The following PRDM16 variants were observed in gnomAD, a reference collection of about 807,000 sequenced individuals.
The protein encoded by PRDM16 is histone-lysine N-methyltransferase PRDM16.
A neutral mutation model predicts 110.6 loss-of-function variants in PRDM16; 23 were observed. That is an observed-to-expected ratio of 0.21 (90% CI 0.15 to 0.29). The LOEUF (loss-of-function observed/expected upper bound fraction) is 0.29. PRDM16 is among the 10% of genes least tolerant of loss of function. The probability of loss-of-function intolerance (pLI) is 1.00; values close to 1 mark genes in which losing one functional copy is unlikely to be tolerated. For missense variants in PRDM16, 1,615 were observed against 1,794.3 expected (o/e 0.90, Z 1.81); for synonymous variants, 799 against 781.8 (o/e 1.02, Z -0.37).
intron 1 of PRDM16, among the ~76,000 whole-genome samples, chr1:3,119,757 G>A (rs1318558811): frequency 2.0e-5 from 3 of 152,224 alleles, no homozygotes; most frequent in Admixed American, 6.5e-5. Flanking sequence ...TTTTCTTCAC[G>A]TAAGCGGTGG....
intron 9 of PRDM16, among the ~76,000 whole-genome samples, chr1:3,413,350 TGGAG>T (rs1261499470): frequency 2.0e-5 from 3 of 151,656 alleles, no homozygotes; most frequent in African/African-American, 4.8e-5. Context: ...CAGTGGTCCT[TGGAG>T]GGGAGGAGGA....
At position 3,426,039 on chromosome 1, in the gene PRDM16, G is replaced by A. The variant is rs373403372; in HGVS notation, c.3110-12G>A. ...CGAGAGGCCGCCCCCTGATGCTCCC[G>A]CCCCTCCGCAGTGAGCCAGCACCCC... On this transcript the variant is annotated splice_polypyrimidine_tract_variant and intron_variant, in intron 13 of 16. Coordinates refer to ENST00000270722, the MANE Select transcript of PRDM16 (RefSeq NM_022114.4). The A allele has an allele frequency of 4.4e-5, 71 of 1,605,834 alleles. No homozygotes were observed. Among genetic ancestry groups the A allele is most frequent in the East Asian group, 6.7e-5 (3 of 44,700 alleles).
intron 1 of PRDM16, among the ~76,000 whole-genome samples, chr1:3,096,093 G>A (rs1000205337): frequency 6.6e-6 from 1 of 152,120 alleles, no homozygotes; most frequent in African/African-American, 2.4e-5. Flanking sequence ...CCTGGTGCCT[G>A]TCTATTTGGG....
At chr1:3,227,087 C>T (rs895793605) in intron 2 of PRDM16, among the ~76,000 whole-genome samples, 2 of 152,232 alleles carry the variant, frequency 1.3e-5, no homozygotes, top group Non-Finnish European at 2.9e-5. Flanking sequence ...TCACGTGCAA[C>T]GAACATCCAC....
At chr1:3,196,261 C>A (rs1271591524) in intron 2 of PRDM16, among the ~76,000 whole-genome samples, 1 of 152,250 alleles carries the variant, frequency 6.6e-6, no homozygotes, top group East Asian at 1.9e-4. Flanking sequence ...ATTGCCTGGG[C>A]CCAGTGCCTC....
chr1:3,212,696 T>TCATCCTCCCGGCCCC (rs1330008564), intron 2 of PRDM16, among the ~76,000 whole-genome samples: 1 of 74,120 alleles, frequency 1.3e-5, no homozygotes, highest in African/African-American at 1.7e-4. Flanking sequence ...TGCGGTCCTC[T>TCATCCTCCCGGCCCC]CTGCCACTGT....
At chr1:3,107,979 T>C (rs1472824907) in intron 1 of PRDM16, among the ~76,000 whole-genome samples, 1 of 152,270 alleles carries the variant, frequency 6.6e-6, no homozygotes, top group Non-Finnish European at 1.5e-5. Context: ...AAGGCAGCAC[T>C]GGCACTGCCA....
At chr1:3,122,047 AT>A (rs1234501995) in intron 1 of PRDM16, among the ~76,000 whole-genome samples, 1 of 152,106 alleles carries the variant, frequency 6.6e-6, no homozygotes, top group African/African-American at 2.4e-5. Context: ...TATGGATCTG[AT>A]TAGGGGAGCC....
intron 3 of PRDM16, among the ~76,000 whole-genome samples, chr1:3,271,461 G>A (rs1031102832): frequency 2.0e-5 from 3 of 152,172 alleles, no homozygotes; most frequent in Non-Finnish European, 4.4e-5. Context: ...AAAGAAAATG[G>A]TAGCCCTTAG....
Position 3,425,496 on chromosome 1 carries a change from C to A in PRDM16, c.2940-85C>A. On this transcript the variant is annotated intron_variant, in intron 12 of 16. Transcript: ENST00000270722. This position sits in a 1 kb window ranked among gnomAD's most constrained non-coding sequence, Gnocchi z 6.9. ...GTGCACGGGGCACGGGGCAGGGGCG[C>A]GGGCTCCCTTCCCCCCACCCTCTGT... 6.9e-7 allele frequency: 1 copy of A among 1,443,112 alleles called. No homozygotes were observed. The highest frequency in any genetic ancestry group is 9.5e-7 in the Non-Finnish European group (1 of 1,053,088). 89.4% of individuals were successfully genotyped at this position (1,443,112 alleles called of 1,614,324 possible).
intron 1 of PRDM16, among the ~76,000 whole-genome samples, chr1:3,114,058 A>G (rs1642857245): frequency 6.6e-6 from 1 of 152,216 alleles, no homozygotes; most frequent in South Asian, 2.1e-4. Flanking sequence ...CAAAGTTGCC[A>G]AGTTTTGAAG....
intron 3 of PRDM16, among the ~76,000 whole-genome samples, chr1:3,355,826 G>A (rs1642585058): frequency 6.6e-6 from 1 of 152,172 alleles, no homozygotes; most frequent in African/African-American, 2.4e-5. Context: ...TGCTGGCTCA[G>A]AGGCCAGTCC....
At chr1:3,259,654 G>A (rs1640120611) in intron 3 of PRDM16, among the ~76,000 whole-genome samples, 1 of 152,220 alleles carries the variant, frequency 6.6e-6, no homozygotes, top group African/African-American at 2.4e-5. Flanking sequence ...GGGACCCAGT[G>A]AAGTGTTTTG....
intron 3 of PRDM16, among the ~76,000 whole-genome samples, chr1:3,253,030 C>CGCT (rs548280454): frequency 1.0e-3 from 152 of 152,220 alleles, no homozygotes; most frequent in African/African-American, 3.2e-3. Context: ...CGAGCCTGCG[C>CGCT]GCTGCTGCTG....
At chr1:3,151,455 C>A (rs1643774293) in intron 1 of PRDM16, among the ~76,000 whole-genome samples, 1 of 152,262 alleles carries the variant, frequency 6.6e-6, no homozygotes, top group Non-Finnish European at 1.5e-5. Context: ...CCAACAGGCT[C>A]ACTCTAGGTA....
intron 3 of PRDM16, among the ~76,000 whole-genome samples, chr1:3,378,646 G>A (rs867824116): frequency 2.6e-5 from 4 of 152,248 alleles, no homozygotes; most frequent in Non-Finnish European, 5.9e-5. Context: ...ACAGCACCCT[G>A]CATGGCCCTG....
At chr1:3,247,557 C>A (rs1395596788) in intron 3 of PRDM16, among the ~76,000 whole-genome samples, 1 of 152,224 alleles carries the variant, frequency 6.6e-6, no homozygotes, top group Non-Finnish European at 1.5e-5. Context: ...GCGCAGGGGA[C>A]GGTCCTCCTC....
rs541323154 is a variant in PRDM16, at chr1:3,376,490, C to T, written c.439-8662C>T. On this transcript the variant is annotated intron_variant, in intron 3 of 16. Coordinates refer to ENST00000270722, the MANE Select transcript of PRDM16 (RefSeq NM_022114.4). ...GAGACCCTGGGACCCTGGCCCTCAT[C>T]TCTCCCCCAGCACGCCCCACTGCCT... is the stretch of plus-strand genomic sequence containing the variant. Among the ~76,000 whole-genome samples, 4 of 152,266 alleles carry T rather than the reference C, an allele frequency of 2.6e-5. No individual in the cohort carries two copies. The South Asian group carries it at 8.3e-4, about 32-fold the overall frequency.
Position 3,201,676 on chromosome 1 carries a change from C to A in PRDM16, c.387+15202C>A, listed in dbSNP as rs1270682761. Reference sequence around the variant, plus strand: ...CCTGGCAGGTCGGGGACCCCAGCCACTTCCAGCACCTGCAGGGCAGGACCT... The same window carrying A: ...CCTGGCAGGTCGGGGACCCCAGCCAATTCCAGCACCTGCAGGGCAGGACCT... On this transcript the variant is annotated intron_variant, in intron 2 of 16. Coordinates refer to ENST00000270722, the MANE Select transcript of PRDM16 (RefSeq NM_022114.4). This position sits in a 1 kb window ranked among gnomAD's most constrained non-coding sequence, Gnocchi z 4.1. 6.6e-6 allele frequency among the ~76,000 whole-genome samples: 1 copy of A among 152,244 alleles called. No homozygotes were observed. The highest frequency in any genetic ancestry group is 2.1e-4 in the South Asian group (1 of 4,834).
Sources: allele counts gnomAD v4.1 joint callset (sites outside exome capture counted in the v4.1 genomes callset), GRCh38; gene constraint gnomAD v4.1.1; non-coding constraint Gnocchi (gnomAD v3.1); transcripts MANE v1.5; gene names NCBI Gene and HGNC (gene_info 2026-07-23, HGNC 2026-07-21).